The following RTN1 variants were observed in gnomAD, a reference collection of about 807,000 sequenced individuals.
RTN1 encodes reticulon 1.
Under a neutral mutation model 65.5 loss-of-function variants are expected in RTN1, and 25 were observed. That is an observed-to-expected ratio of 0.38 (90% confidence interval 0.28 to 0.53). The LOEUF is 0.53. Among genes scored for constraint, RTN1 ranks in the 20% least tolerant of loss-of-function variants. RTN1 has a pLI of 0.79. For synonymous variants in RTN1, 471 were observed against 447.6 expected, an observed-to-expected ratio of 1.05 and a Z score of -0.66; for missense variants, 983 against 1,025.4, an observed-to-expected ratio of 0.96 and a Z score of 0.57.
rs1229012534 is a variant in RTN1 at position 59,849,700 on chromosome 14, T to C, written c.241+20690A>G. 6.6e-6 allele frequency among the ~76,000 whole-genome samples: 1 copy of C among 152,128 alleles called. No homozygotes were observed. The highest frequency in any genetic ancestry group is 1.5e-5 in the Non-Finnish European group (1 of 68,012). ...TGGCCTGCTGGAGTCACCCCACTTATAGAAGTTTCTCCTGGTTTAAGGATC... is the reference window on the plus strand; with the variant it reads ...TGGCCTGCTGGAGTCACCCCACTTACAGAAGTTTCTCCTGGTTTAAGGATC... On this transcript the variant is annotated intron_variant, in intron 1 of 8. Transcript: ENST00000267484. This position sits in a 1 kb window ranked among gnomAD's most constrained non-coding sequence, Gnocchi z 4.5.
intron 2 of RTN1, among the ~76,000 whole-genome samples, chr14:59,737,999 C>T (rs183921668): frequency 2.6e-5 from 4 of 152,208 alleles, no homozygotes; most frequent in South Asian, 2.1e-4. Context: ...TACACATGTA[C>T]AAAAATCAAC....
chr14:59,728,249 CTT>C (rs200434592), intron 2 of RTN1, among the ~76,000 whole-genome samples: 7,164 of 121,542 alleles, frequency 0.059, 61 homozygotes, highest in South Asian at 0.15. Flanking sequence ...GAATCAGTAT[CTT>C]TTTTTTTTTT....
chr14:59,854,614 C>A (rs560604316), intron 1 of RTN1, among the ~76,000 whole-genome samples: 2 of 132,492 alleles, frequency 1.5e-5, no homozygotes, highest in Admixed American at 8.7e-5. Flanking sequence ...GCACTCCAGC[C>A]TGGAGACAGA....
intron 1 of RTN1, among the ~76,000 whole-genome samples, chr14:59,757,905 GT>G (rs1440889491): frequency 6.6e-6 from 1 of 152,088 alleles, no homozygotes; most frequent in Non-Finnish European, 1.5e-5. Context: ...CCCAAAGTCT[GT>G]AGTTTACATT....
At chr14:59,725,483 T>C (rs1884738159) in intron 3 of RTN1, among the ~76,000 whole-genome samples, 1 of 152,228 alleles carries the variant, frequency 6.6e-6, no homozygotes, top group South Asian at 2.1e-4. Context: ...AGCTGCAGCG[T>C]CTTTTCTTAC....
intron 3 of RTN1, among the ~76,000 whole-genome samples, chr14:59,633,407 C>T (rs1387999101): frequency 1.3e-5 from 2 of 152,200 alleles, no homozygotes; most frequent in Non-Finnish European, 2.9e-5. Context: ...CATCTCTGGA[C>T]CTCTCATAAT....
intron 3 of RTN1, among the ~76,000 whole-genome samples, chr14:59,684,582 C>A (rs1312410348): frequency 1.3e-5 from 2 of 152,012 alleles, no homozygotes; most frequent in African/African-American, 4.8e-5. Flanking sequence ...TCAATAAATT[C>A]TCTAATTTCA....
intron 2 of RTN1, among the ~76,000 whole-genome samples, chr14:59,738,774 G>A (rs1460251827): frequency 6.6e-6 from 1 of 152,124 alleles, no homozygotes; most frequent in Admixed American, 6.6e-5. Flanking sequence ...ATGATAGACT[G>A]GATAAAGAAA....
At chr14:59,674,752 A>C (rs1260320396) in intron 3 of RTN1, among the ~76,000 whole-genome samples, 1 of 152,194 alleles carries the variant, frequency 6.6e-6, no homozygotes, top group Non-Finnish European at 1.5e-5. Flanking sequence ...TATAATTCTG[A>C]AATGAAAGAT....
intron 3 of RTN1, among the ~76,000 whole-genome samples, chr14:59,668,789 G>A (rs1365009386): frequency 6.6e-6 from 1 of 152,154 alleles, no homozygotes; most frequent in Non-Finnish European, 1.5e-5. Context: ...CAAAAAGTGG[G>A]CAAAGGATAT....
rs1886578944 is a variant in RTN1, at chr14:59,803,200, A to G, written c.242-56719T>C. On this transcript the variant is annotated intron_variant, in intron 1 of 8. Transcript: ENST00000267484. The surrounding 1 kb of genome is among the most constrained non-coding windows in gnomAD (Gnocchi z 5.6). ...GTACACCTGTAATCAGAGTCCCTGG[A>G]GCTTTGATTAGACAGGGAGAGTTGG... Among the ~76,000 whole-genome samples the G allele has an allele frequency of 1.3e-5, 2 of 152,150 alleles. No homozygotes were observed.
At chr14:59,850,333 C>T (rs1887482061) in intron 1 of RTN1, among the ~76,000 whole-genome samples, 1 of 152,152 alleles carries the variant, frequency 6.6e-6, no homozygotes. Flanking sequence ...CATTAGTCTG[C>T]AGTTAGGAAA....
chr14:59,843,288 T>C (rs1356322281), intron 1 of RTN1, among the ~76,000 whole-genome samples: 3 of 152,210 alleles, frequency 2.0e-5, no homozygotes, highest in South Asian at 4.1e-4. Flanking sequence ...GAAGCCAGAA[T>C]AACGGTTGCC....
intron 3 of RTN1, among the ~76,000 whole-genome samples, chr14:59,675,151 G>C (rs1883597552): frequency 6.6e-6 from 1 of 152,118 alleles, no homozygotes; most frequent in Non-Finnish European, 1.5e-5. Flanking sequence ...GTGCACAGAG[G>C]AGTGGTGGCT....
At chr14:59,689,656 G>C (rs1355955705) in intron 3 of RTN1, among the ~76,000 whole-genome samples, 1 of 152,154 alleles carries the variant, frequency 6.6e-6, no homozygotes, top group East Asian at 1.9e-4. Context: ...CCTATTTTTA[G>C]CATTCTTAGA....
intron 3 of RTN1, among the ~76,000 whole-genome samples, chr14:59,669,457 G>A (rs888863492): frequency 6.6e-6 from 1 of 151,988 alleles, no homozygotes; most frequent in Non-Finnish European, 1.5e-5. Context: ...GCCTGTCAGG[G>A]GGATGGGGGC....
At chr14:59,716,556 A>G (rs1251295676) in intron 3 of RTN1, among the ~76,000 whole-genome samples, 1 of 152,220 alleles carries the variant, frequency 6.6e-6, no homozygotes, top group East Asian at 1.9e-4. Flanking sequence ...GGTAATTTAA[A>G]TAATCAATCA....
chr14:59,798,988 C>T (rs1267539770), intron 1 of RTN1, among the ~76,000 whole-genome samples: 1 of 152,044 alleles, frequency 6.6e-6, no homozygotes, highest in Non-Finnish European at 1.5e-5. Context: ...AAAACAATTG[C>T]CAGATTTTTC....
intron 3 of RTN1, among the ~76,000 whole-genome samples, chr14:59,629,109 T>C (rs1041875875): frequency 6.6e-6 from 1 of 152,226 alleles, no homozygotes; most frequent in Non-Finnish European, 1.5e-5. Flanking sequence ...TCCACGTAAT[T>C]GTCATCATTC....
Sources: allele counts gnomAD v4.1 joint callset (sites outside exome capture counted in the v4.1 genomes callset), GRCh38; gene constraint gnomAD v4.1.1; non-coding constraint Gnocchi (gnomAD v3.1); transcripts MANE v1.5; gene names NCBI Gene and HGNC (gene_info 2026-07-23, HGNC 2026-07-21).